BMAL1: variants seen among roughly 807,000 people sequenced by gnomAD.
BMAL1 encodes the protein basic helix-loop-helix ARNT-like protein 1.
At chr11:13,326,236 T>A in the BMAL1 span, among the ~76,000 whole-genome samples, 15 of 151,638 alleles carry the variant, frequency 9.9e-5, no homozygotes, top group East Asian at 2.9e-3. Flanking sequence ...AGGAGTTTGA[T>A]CTGTTACAGA....
chr11:13,285,753 A>C, the BMAL1 span, among the ~76,000 whole-genome samples: 11,760 of 152,188 alleles, frequency 0.077, 1,547 homozygotes, highest in African/African-American at 0.27. Flanking sequence ...CCTTGTAAAT[A>C]CTTACATACA....
chr11:13,324,515 A>G, the BMAL1 span, among the ~76,000 whole-genome samples: 1 of 152,188 alleles, frequency 6.6e-6, no homozygotes, highest in Non-Finnish European at 1.5e-5. Flanking sequence ...CACCTGTCTG[A>G]AAAAGCACCG....
At chr11:13,321,599 G>A in the BMAL1 span, among the ~76,000 whole-genome samples, 4,368 of 152,186 alleles carry the variant, frequency 0.029, 81 homozygotes, top group Non-Finnish European at 0.043. Context: ...GCCACGTGCC[G>A]GTCAGTTTGA....
the BMAL1 span, among the ~76,000 whole-genome samples, chr11:13,307,341 C>T: frequency 1.3e-5 from 2 of 152,172 alleles, no homozygotes; most frequent in Admixed American, 6.5e-5. Context: ...GGTGTCAAGG[C>T]GGGTTCGTAG....
the BMAL1 span, among the ~76,000 whole-genome samples, chr11:13,365,122 G>T: frequency 6.6e-6 from 1 of 152,174 alleles, no homozygotes; most frequent in Non-Finnish European, 1.5e-5. Flanking sequence ...CCAAATCTCA[G>T]ATTCTCTGAC....
chr11:13,294,037 C>T, the BMAL1 span, among the ~76,000 whole-genome samples: 3 of 152,138 alleles, frequency 2.0e-5, no homozygotes, highest in Non-Finnish European at 2.9e-5. Context: ...CTTAATGTTT[C>T]TATCTTCTGG....
chr11:13,303,981 G>A, the BMAL1 span, among the ~76,000 whole-genome samples: 1 of 152,202 alleles, frequency 6.6e-6, no homozygotes, highest in African/African-American at 2.4e-5. Context: ...CAAGACAAAG[G>A]CTGCTGGAAT....
the BMAL1 span, among the ~76,000 whole-genome samples, chr11:13,350,579 G>T: frequency 6.6e-6 from 1 of 152,148 alleles, no homozygotes; most frequent in Non-Finnish European, 1.5e-5. Context: ...AGAGTAGAGA[G>T]TCCAGAAATA....
At chr11:13,302,372 T>C in the BMAL1 span, among the ~76,000 whole-genome samples, 1 of 152,224 alleles carries the variant, frequency 6.6e-6, no homozygotes, top group East Asian at 1.9e-4. Flanking sequence ...TGAGTATCAC[T>C]GTCCCTGTCC....
chr11:13,303,980 G>C, the BMAL1 span, among the ~76,000 whole-genome samples: 1 of 152,182 alleles, frequency 6.6e-6, no homozygotes, highest in Non-Finnish European at 1.5e-5. Flanking sequence ...GCAAGACAAA[G>C]GCTGCTGGAA....
the BMAL1 span, among the ~76,000 whole-genome samples, chr11:13,315,866 G>T: frequency 6.6e-6 from 1 of 152,156 alleles, no homozygotes; most frequent in African/African-American, 2.4e-5. Context: ...AGGAGGGTGG[G>T]CTAGGACCAT....
the BMAL1 span, among the ~76,000 whole-genome samples, chr11:13,332,781 T>C: frequency 6.6e-6 from 1 of 151,850 alleles, no homozygotes; most frequent in African/African-American, 2.4e-5. Context: ...GTTGTGTGGG[T>C]GGGTCGGTGG....
chr11:13,378,747 C>T, the BMAL1 span: 1 of 330,578 alleles, frequency 3.0e-6, no homozygotes, highest in Non-Finnish European at 5.5e-6. Context: ...TAGCCCAGCG[C>T]TAAAGAGAAT....
At chr11:13,363,511 G>T in the BMAL1 span, among the ~76,000 whole-genome samples, 1 of 152,122 alleles carries the variant, frequency 6.6e-6, no homozygotes, top group African/African-American at 2.4e-5. Flanking sequence ...CCAGGGACTT[G>T]CTTCCACAGA....
the BMAL1 span, among the ~76,000 whole-genome samples, chr11:13,370,411 C>T: frequency 1.3e-5 from 2 of 152,168 alleles, no homozygotes; most frequent in African/African-American, 2.4e-5. Context: ...ACTAAATCAA[C>T]CTGCTTTGGA....
At chr11:13,345,318 C>T in the BMAL1 span, among the ~76,000 whole-genome samples, 1 of 152,180 alleles carries the variant, frequency 6.6e-6, no homozygotes, top group Non-Finnish European at 1.5e-5. Context: ...ATACAGAGAA[C>T]CTTCCAACAG....
the BMAL1 span, chr11:13,358,633 A>G: frequency 3.7e-5 from 55 of 1,491,682 alleles, 1 homozygote; most frequent in African/African-American, 5.8e-4. Context: ...CCTTGCCCAC[A>G]AATGTTACCA....
chr11:13,372,195 A>G, the BMAL1 span: 1 of 1,614,146 alleles, frequency 6.2e-7, no homozygotes, highest in Non-Finnish European at 8.5e-7. Flanking sequence ...AATCCACAGC[A>G]CAGGCTATTT....
chr11:13,345,220 G>A, the BMAL1 span, among the ~76,000 whole-genome samples: 2 of 152,170 alleles, frequency 1.3e-5, no homozygotes, highest in African/African-American at 4.8e-5. Flanking sequence ...GCCTTCCCTG[G>A]GGTCCCATTT....
Sources: gnomAD v4.1 joint callset for allele counts (sites outside exome capture counted in the v4.1 genomes callset) on GRCh38, gnomAD v4.1.1 for gene constraint, MANE v1.5 for transcripts, NCBI Gene and HGNC (gene_info 2026-07-23, HGNC 2026-07-21) for gene names.